MAST4: variants seen among roughly 807,000 people sequenced by gnomAD.
MAST4 encodes the protein microtubule associated serine/threonine kinase family member 4, also known as microtubule-associated serine/threonine-protein kinase 4.
Under a neutral mutation model 162.7 loss-of-function variants are expected in MAST4, and 89 were observed. The ratio of observed to expected loss-of-function variants is 0.55; its 90% CI spans 0.46 to 0.65. The LOEUF (loss-of-function observed/expected upper bound fraction) is 0.65, where lower values mean the gene tolerates loss of function less well. MAST4 is among the 30% of genes least tolerant of loss of function. The pLI is 0.00. For synonymous variants in MAST4, 1,479 were observed against 1,361.1 expected, an observed-to-expected ratio of 1.09 and a Z score of -1.91; for missense variants, 3,153 against 3,374.0, an observed-to-expected ratio of 0.93 and a Z score of 1.62.
Position 66,648,034 on chromosome 5 carries a change from A to ATGTGTG in MAST4, c.363+51061_363+51066dup, listed in dbSNP as rs745965169. On this transcript the variant is annotated intron_variant, in intron 1 of 28. Transcript: ENST00000403625. ...AATGTAGGCCTGTGTGTGTTAGGTAATGTGTGTGTGTGTGTGTGTGTGTGT... is the reference window on the plus strand; with the variant it reads ...AATGTAGGCCTGTGTGTGTTAGGTAATGTGTGTGTGTGTGTGTGTGTGTGTGTGTGT... Among the ~76,000 whole-genome samples, 96 of 119,068 alleles carry ATGTGTG rather than the reference A, an allele frequency of 8.1e-4. 1 individual carries two copies. Among genetic ancestry groups the ATGTGTG allele is most frequent in the East Asian group, 4.3e-3 (15 of 3,460 alleles). The allele number at this position is 119,068 out of a possible 152,430, so 78.1% of individuals were successfully genotyped here. A position where few individuals can be genotyped will look rare whatever the true frequency, so the allele number is the denominator to read the frequency against.
intron 6 of MAST4, among the ~76,000 whole-genome samples, chr5:67,095,361 A>G (rs938370076): frequency 1.3e-5 from 2 of 152,170 alleles, no homozygotes; most frequent in Admixed American, 6.5e-5. Flanking sequence ...TATTAGTGAG[A>G]CATCAATAAT....
chr5:66,919,194 C>T (rs1307580240), intron 4 of MAST4, among the ~76,000 whole-genome samples: 1 of 151,564 alleles, frequency 6.6e-6, no homozygotes, highest in Non-Finnish European at 1.5e-5. Flanking sequence ...ATTGATATGG[C>T]ACTTTCTTGC....
chr5:67,109,954 CTGTT>C (rs1173148277), intron 10 of MAST4, 140 bp from the exon 11 acceptor site: 7 of 591,126 alleles, frequency 1.2e-5, no homozygotes, highest in African/African-American at 3.7e-5. Flanking sequence ...CAGATAATGT[CTGTT>C]TATCAATCTT....
chr5:66,640,399 C>T (rs965230774), intron 1 of MAST4, among the ~76,000 whole-genome samples: 2 of 151,934 alleles, frequency 1.3e-5, no homozygotes, highest in Non-Finnish European at 2.9e-5. Flanking sequence ...GCTCTGCCTC[C>T]CGGGTTCATG....
intron 12 of MAST4, 138 bp downstream of exon 12, chr5:67,114,357 C>A: frequency 1.9e-6 from 2 of 1,057,614 alleles, no homozygotes; most frequent in South Asian, 1.6e-5. Context: ...GGACTGGTTG[C>A]TATTTGAAGG....
In MAST4 at chr5:66,990,177, G is replaced by C. The variant is rs536272931; in HGVS notation, c.675-64227G>C. On this transcript the variant is annotated intron_variant, in intron 4 of 28. Coordinates refer to ENST00000403625, the MANE Select transcript of MAST4 (RefSeq NM_001164664.2). ...AATGTATATGGCCTTAGAAACTATT[G>C]ATTTTGTTTGGAAATTTTAAATACT... Among the ~76,000 whole-genome samples, 26 of 152,168 alleles carry C rather than the reference G, an allele frequency of 1.7e-4. 2 individuals carry two copies. The South Asian group carries it at 5.2e-3, about 30-fold the overall frequency.
chr5:66,766,962 C>T (rs74985114), intron 2 of MAST4, among the ~76,000 whole-genome samples: 7,544 of 152,200 alleles, frequency 0.05, 494 homozygotes, highest in African/African-American at 0.15. Flanking sequence ...ACTTTCCTCC[C>T]GTGGTGACTC....
intron 4 of MAST4, among the ~76,000 whole-genome samples, chr5:66,969,560 C>T (rs1021680928): frequency 2.0e-5 from 3 of 152,096 alleles, no homozygotes; most frequent in African/African-American, 4.8e-5. Context: ...GGGCATCCAG[C>T]GTAATTCTCA....
intron 1 of MAST4, among the ~76,000 whole-genome samples, chr5:66,639,104 C>T (rs78395908): frequency 6.6e-6 from 1 of 152,058 alleles, no homozygotes; most frequent in South Asian, 2.1e-4. Flanking sequence ...TGGGTCTTGG[C>T]TTAATCCTGA....
chr5:66,880,494 C>T lies in MAST4; in HGVS notation c.643-19457C>T, dbSNP rs1251134240. Among the ~76,000 whole-genome samples the T allele has an allele frequency of 5.9e-5, 9 of 152,164 alleles. 1 individual carries two copies. The highest frequency in any genetic ancestry group is 2.9e-5 in the Non-Finnish European group (2 of 68,020). ...ATCCAGAGCTCTTGACCCAGAGTTT[C>T]TTCCTTTCATTCTGAGCCAGCTGCT... On this transcript the variant is annotated intron_variant, in intron 3 of 28. Coordinates refer to ENST00000403625, the MANE Select transcript of MAST4 (RefSeq NM_001164664.2).
intron 4 of MAST4, among the ~76,000 whole-genome samples, chr5:66,996,411 T>G (rs1306647095): frequency 1.3e-5 from 2 of 152,136 alleles, no homozygotes; most frequent in Non-Finnish European, 2.9e-5. Context: ...TCAGGAGCAT[T>G]TCCCATTTAT....
intron 2 of MAST4, among the ~76,000 whole-genome samples, chr5:66,769,936 A>T (rs1754287624): frequency 6.6e-6 from 1 of 152,228 alleles, no homozygotes; most frequent in African/African-American, 2.4e-5. Flanking sequence ...TGACTTAAAA[A>T]CATCCTGCTG....
chr5:67,030,101 A>G (rs1401845094), intron 4 of MAST4, among the ~76,000 whole-genome samples: 1 of 152,104 alleles, frequency 6.6e-6, no homozygotes, highest in Non-Finnish European at 1.5e-5. Context: ...AGCATCTAGG[A>G]AATTGTAAAA....
At chr5:66,799,289 T>G (rs538960903) in intron 3 of MAST4, among the ~76,000 whole-genome samples, 19 of 152,262 alleles carry the variant, frequency 1.2e-4, no homozygotes, top group Non-Finnish European at 2.4e-4. Context: ...CCTTGCCCTC[T>G]TTACCCACCC....
intron 19 of MAST4, among the ~76,000 whole-genome samples, chr5:67,137,503 A>G (rs113813275): frequency 3.3e-5 from 5 of 152,256 alleles, no homozygotes; most frequent in African/African-American, 4.8e-5. Context: ...TTCTACCCCC[A>G]TTTTAATAGA....
intron 4 of MAST4, among the ~76,000 whole-genome samples, chr5:66,984,575 C>T (rs1749249560): frequency 6.6e-6 from 1 of 152,246 alleles, no homozygotes; most frequent in African/African-American, 2.4e-5. Flanking sequence ...TCTGATTTGC[C>T]TCTTTAAAGT....
chr5:67,163,058 G>A lies in MAST4; in HGVS notation c.3968-89G>A. On this transcript the variant is annotated intron_variant, in intron 28 of 28. Coordinates refer to ENST00000403625, the MANE Select transcript of MAST4 (RefSeq NM_001164664.2). The surrounding 1 kb of genome is among the most constrained non-coding windows in gnomAD (Gnocchi z 7.0). ...CTGAGACAATTTGCTGATCTTACCT[G>A]GCCTTACCTAATACAGTCTGGGCTA... 1 of 1,400,622 alleles carries A rather than the reference G, an allele frequency of 7.1e-7. No individual in the cohort carries two copies. The highest frequency in any genetic ancestry group is 9.7e-7 in the Non-Finnish European group (1 of 1,029,344). The allele number at this position is 1,400,622 out of a possible 1,614,324, so 86.8% of individuals were successfully genotyped here.
intron 15 of MAST4, among the ~76,000 whole-genome samples, chr5:67,131,120 A>G (rs570311007): frequency 6.6e-6 from 1 of 152,274 alleles, no homozygotes; most frequent in Admixed American, 6.5e-5. Flanking sequence ...TGCATTTCAT[A>G]GATGAGCGAA....
intron 1 of MAST4, among the ~76,000 whole-genome samples, chr5:66,613,473 CTAACGTA>C (rs1262567381): frequency 2.6e-5 from 4 of 152,140 alleles, no homozygotes; most frequent in African/African-American, 9.7e-5. Context: ...TCTGTCTCCC[CTAACGTA>C]TAGCTGGAAA....
Sources: gnomAD v4.1 joint callset for allele counts (sites outside exome capture counted in the v4.1 genomes callset) on GRCh38, gnomAD v4.1.1 for gene constraint, Gnocchi (gnomAD v3.1) non-coding constraint, MANE v1.5 for transcripts, NCBI Gene and HGNC (gene_info 2026-07-23, HGNC 2026-07-21) for gene names.